Variants in MIOX observed in about 807,000 individuals in gnomAD.
The protein encoded by MIOX is myo-inositol oxygenase.
Under a neutral mutation model 42.7 loss-of-function variants are expected in MIOX, and 51 were observed. The ratio of observed to expected loss-of-function variants is 1.19; its 90% CI spans 0.95 to 1.51. MIOX has a LOEUF of 1.51. MIOX is among the 40% of genes most tolerant of loss of function. The pLI is 0.00. For missense variants in MIOX, 395 were observed against 381.3 expected (o/e 1.04, Z -0.30); for synonymous variants, 168 against 154.4 (o/e 1.09, Z -0.65).
At chr22:50,488,181 C>T in intron 4 of MIOX, 94 bp from the exon 5 acceptor site, 3 of 1,591,290 alleles carry the variant, frequency 1.9e-6, no homozygotes, top group Non-Finnish European at 2.6e-6. Context: ...GGGAGCAGGC[C>T]CTGGACCCTT....
chr22:50,489,363 G>A (rs1284960657), intron 7 of MIOX, 34 bp from the exon 8 acceptor site: 20 of 1,523,212 alleles, frequency 1.3e-5, no homozygotes, highest in Non-Finnish European at 1.8e-5. Flanking sequence ...GTGGGGCAGA[G>A]GCAGTGCCTG....
chr22:50,487,923 C>T lies in MIOX; in HGVS notation c.215C>T (p.Thr72Ile). 6.2e-7 allele frequency: 1 copy of T among 1,614,010 alleles called. No individual in the cohort carries two copies. The highest frequency in any genetic ancestry group is 8.5e-7 in the Non-Finnish European group (1 of 1,179,922). ...GGGGGCTTCTCCTACAAGAAAATGACAGTCATGGAGGCCGTGGACCTGCTG... is the reference window on the plus strand; with the variant it reads ...GGGGGCTTCTCCTACAAGAAAATGATAGTCATGGAGGCCGTGGACCTGCTG... ...QFGGFSYKKM[T>I]VMEAVDLLDG... The change falls in exon 4 of 10, where the codon ACA becomes ATA. Residue 72 changes from threonine (T) to isoleucine (I), a missense_variant. Coordinates refer to ENST00000216075, the MANE Select transcript of MIOX (RefSeq NM_017584.6).
chr22:50,490,602 G>C lies in MIOX; in HGVS notation c.*746G>C, dbSNP rs191951538. The C allele has an allele frequency of 6.6e-6, 1 of 152,132 alleles. No homozygotes were observed. Among genetic ancestry groups the C allele is most frequent in the African/African-American group, 2.4e-5 (1 of 41,430 alleles). 9.4% of individuals were successfully genotyped at this position (152,132 alleles called of 1,614,324 possible). A position where few individuals can be genotyped will look rare whatever the true frequency, so the allele number is the denominator to read the frequency against. ...CACTGCACTCCAACCTGGGTATCAA[G>C]AGTGAAATTCCATCTCAAAAAAAAT... is the stretch of plus-strand genomic sequence containing the variant. On this transcript the variant is annotated 3_prime_UTR_variant, in exon 10 of 10. Coordinates refer to ENST00000216075, the MANE Select transcript of MIOX (RefSeq NM_017584.6).
intron 5 of MIOX, among the ~76,000 whole-genome samples, chr22:50,488,709 C>A (rs117480191): frequency 0.049 from 4,837 of 98,668 alleles, 58 homozygotes; most frequent in African/African-American, 0.059. Flanking sequence ...CGGTCGTCGG[C>A]GACACCTTCC....
chr22:50,487,245 G>A (rs2068280563), intron 1 of MIOX, 140 bp from the exon 2 acceptor site: 3 of 733,408 alleles, frequency 4.1e-6, no homozygotes, highest in Admixed American at 5.1e-5. Context: ...TGATGGCGTG[G>A]GAGAGGCTGT....
At chr22:50,488,213 C>T in intron 4 of MIOX, 62 bp from the exon 5 acceptor site, 1 of 1,608,398 alleles carries the variant, frequency 6.2e-7, no homozygotes, top group African/African-American at 1.3e-5. Flanking sequence ...GCCCCGCAAA[C>T]CTGCTCATCC....
Position 50,490,218 on chromosome 22 carries a change from ACCCAGCTCAC to A in MIOX, c.*366_*375del. 3.3e-6 allele frequency: 1 copy of A among 299,824 alleles called. No individual in the cohort carries two copies. The allele number at this position is 299,824 out of a possible 1,614,324, so 18.6% of individuals were successfully genotyped here. ...TGTGTCAGAGCCTGGGGGACGAGTC[ACCCAGCTCAC>A]CCCCACATGCTCAAAACAGTCACCA... On this transcript the variant is annotated 3_prime_UTR_variant, in exon 10 of 10. Coordinates refer to ENST00000216075, the MANE Select transcript of MIOX (RefSeq NM_017584.6).
rs995860392 is a variant in MIOX, at chr22:50,489,977, C to A, written c.*121C>A. Reference sequence around the variant, plus strand: ...CCTCGGTGGGGGACCCCACTCACCCCCTTAGGGTCGCCACCCCTCACGGCA... The same window carrying A: ...CCTCGGTGGGGGACCCCACTCACCCACTTAGGGTCGCCACCCCTCACGGCA... On this transcript the variant is annotated 3_prime_UTR_variant, in exon 10 of 10. Coordinates refer to ENST00000216075, the MANE Select transcript of MIOX (RefSeq NM_017584.6). The A allele has an allele frequency of 2.7e-5, 24 of 888,522 alleles. No homozygotes were observed. In the South Asian group the frequency reaches 2.8e-4, roughly 10 times the overall value. The allele number at this position is 888,522 out of a possible 1,614,324, so 55.0% of individuals were successfully genotyped here. A position where few individuals can be genotyped will look rare whatever the true frequency, so the allele number is the denominator to read the frequency against.
Position 50,488,362 on chromosome 22 carries a change from G to C in MIOX, c.408+20G>C, listed in dbSNP as rs199548210. On this transcript the variant is annotated intron_variant, in intron 5 of 9. Coordinates refer to ENST00000216075, the MANE Select transcript of MIOX (RefSeq NM_017584.6). Reference sequence around the variant, plus strand: ...CCCCAGGTAAGAGTTGGAAGTGGAGGGTGAGGAGGCTGCATGTTGAGGCAA... The same window carrying C: ...CCCCAGGTAAGAGTTGGAAGTGGAGCGTGAGGAGGCTGCATGTTGAGGCAA... 201 of 1,575,014 alleles carry C rather than the reference G, an allele frequency of 1.3e-4. No homozygotes were observed. The African/African-American group carries it at 2.5e-3, about 20-fold the overall frequency.
chr22:50,489,030 C>CCCTCCTGTA lies in MIOX; in HGVS notation c.409-6_409-5insCTGTACCTC, dbSNP rs2148636862. ...CCCCATGGCCTCCCGTCCCTCCTGT[C>CCCTCCTGTA]CCTCTGCAGTGGGCTGTCGTCGGCG... On this transcript the variant is annotated splice_polypyrimidine_tract_variant and intron_variant, in intron 5 of 9. Transcript: ENST00000216075. 6.2e-7 allele frequency: 1 copy of CCCTCCTGTA among 1,603,036 alleles called. No homozygotes were observed.
rs769888953 is a variant in MIOX, at chr22:50,489,872, AGCT to A, written c.*24_*26del. The A allele has an allele frequency of 3.7e-6, 6 of 1,605,344 alleles. No homozygotes were observed. In the Admixed American group the frequency reaches 1.0e-4, roughly 27 times the overall value. On this transcript the variant is annotated 3_prime_UTR_variant, in exon 10 of 10. Transcript: ENST00000216075. ...GAGCTGGTGACCCTCCTGCCACCCA[AGCT>A]GCTGCTGGACCTAGGCCTGGCCCTC... is the stretch of plus-strand genomic sequence containing the variant.
At position 50,490,084 on chromosome 22, in the gene MIOX, C is replaced by T. The variant is rs192342475; in HGVS notation, c.*228C>T. The T allele has an allele frequency of 1.0e-4, 59 of 566,518 alleles. No homozygotes were observed. The highest frequency in any genetic ancestry group is 1.0e-3 in the Admixed American group (34 of 32,804). The allele number at this position is 566,518 out of a possible 1,614,324, so 35.1% of individuals were successfully genotyped here. A position where few individuals can be genotyped will look rare whatever the true frequency, so the allele number is the denominator to read the frequency against. ...TGGGTGTTACTGCAGCAGGGCGTGG[C>T]CCAGGCCGAGGGATGGTGCCAGCAG... On this transcript the variant is annotated 3_prime_UTR_variant, in exon 10 of 10. Coordinates refer to ENST00000216075, the MANE Select transcript of MIOX (RefSeq NM_017584.6).
chr22:50,489,680 G>C, intron 9 of MIOX, 36 bp downstream of exon 9: 3 of 1,488,630 alleles, frequency 2.0e-6, no homozygotes, highest in Non-Finnish European at 2.8e-6. Flanking sequence ...TGTTGTGGGA[G>C]TGAAAGAGGG....
Position 50,490,048 on chromosome 22 carries a change from T to G in MIOX, c.*192T>G. The G allele has an allele frequency of 1.7e-6, 1 of 605,768 alleles. No individual in the cohort carries two copies. Among genetic ancestry groups the G allele is most frequent in the Non-Finnish European group, 2.9e-6 (1 of 340,246 alleles). 37.5% of individuals were successfully genotyped at this position (605,768 alleles called of 1,614,324 possible). A position where few individuals can be genotyped will look rare whatever the true frequency, so the allele number is the denominator to read the frequency against. On this transcript the variant is annotated 3_prime_UTR_variant, in exon 10 of 10. Coordinates refer to ENST00000216075, the MANE Select transcript of MIOX (RefSeq NM_017584.6). The stretch of plus-strand genomic sequence containing the variant: ...AAGACCTGGAAGGATGTTGTGCTTC[T>G]GAAGCCCCACTGGGTGTTACTGCAG...
chr22:50,489,684 AAG>A (rs747462159), intron 9 of MIOX, 40 bp downstream of exon 9: 1 of 1,575,966 alleles, frequency 6.3e-7, no homozygotes, highest in South Asian at 1.1e-5. Context: ...GTGGGAGTGA[AAG>A]AGGGGGTTGG....
chr22:50,489,246 T>G lies in MIOX; in HGVS notation c.537T>G (p.Tyr179Ter), dbSNP rs1276556894. The G allele has an allele frequency of 6.2e-7, 1 of 1,606,316 alleles. No homozygotes were observed. Among genetic ancestry groups the G allele is most frequent in the Non-Finnish European group, 8.5e-7 (1 of 1,179,190 alleles). ...ACTGCAGCACAGAGCTCGGGATGTA[T>G]CAGCCCCACTGTGGGCTCGACAGGG... is the stretch of plus-strand genomic sequence containing the variant. ...DPRYSTELGM[Y>*]QPHCGLDRVL... Residue 179 changes from tyrosine to a stop codon, truncating the protein, a stop_gained, in exon 7 of 10, where the codon TAT becomes TAG. Coordinates refer to ENST00000216075, the MANE Select transcript of MIOX (RefSeq NM_017584.6). LOFTEE classifies it high-confidence loss of function.
chr22:50,488,652 C>T (rs2068307672), intron 5 of MIOX, among the ~76,000 whole-genome samples: 1 of 148,298 alleles, frequency 6.7e-6, no homozygotes, highest in Admixed American at 6.7e-5. Context: ...ACCACTCCCC[C>T]CACGGCCCCC....
At position 50,489,576 on chromosome 22, in the gene MIOX, G is replaced by C. The variant is rs2232884; in HGVS notation, c.681G>C (p.Thr227=). ...IRFHSFYPWH[T]GRDYQQLCSQ... ...TCCACTCCTTCTACCCCTGGCACAC[G>C]GGCCGCGACTACCAGCAGCTGTGCA... Residue 227 remains threonine, a synonymous_variant, in exon 9 of 10, where the codon ACG becomes ACC. Coordinates refer to ENST00000216075, the MANE Select transcript of MIOX (RefSeq NM_017584.6). The C allele has an allele frequency of 6.2e-7, 1 of 1,612,412 alleles. No individual in the cohort carries two copies. Among genetic ancestry groups the C allele is most frequent in the African/African-American group, 1.3e-5 (1 of 74,846 alleles).
rs753069355 is a variant in MIOX at position 50,489,310 on chromosome 22, G to A, written c.586+15G>A. The A allele has an allele frequency of 4.6e-5, 70 of 1,524,536 alleles. 1 individual carries two copies. The highest frequency in any genetic ancestry group is 3.8e-4 in the Middle Eastern group (2 of 5,212). The allele number at this position is 1,524,536 out of a possible 1,614,324, so 94.4% of individuals were successfully genotyped here. On this transcript the variant is annotated intron_variant, in intron 7 of 9. Transcript: ENST00000216075. The stretch of plus-strand genomic sequence containing the variant: ...GGGCCATGATGGTGAGGCCAGAGGC[G>A]GGCAGTGGGGCGGTGGGGGGCGGTG...
Sources: gnomAD v4.1 joint callset for allele counts (sites outside exome capture counted in the v4.1 genomes callset) on GRCh38, gnomAD v4.1.1 for gene constraint, MANE v1.5 for transcripts, NCBI Gene and HGNC (gene_info 2026-07-23, HGNC 2026-07-21) for gene names.